The following EPHA3 variants were observed in gnomAD, a reference collection of about 807,000 sequenced individuals.
EPHA3 encodes EPH receptor A3.
EPHA3 carries 42 observed loss-of-function variants against 107.1 expected under a neutral mutation model. The ratio of observed to expected loss-of-function variants is 0.39; its 90% CI spans 0.31 to 0.51. The LOEUF (loss-of-function observed/expected upper bound fraction) is 0.51, where lower values mean the gene tolerates loss of function less well. EPHA3 is among the 20% of genes least tolerant of loss of function. The probability of loss-of-function intolerance (pLI) is 0.78; values close to 1 mark genes in which losing one functional copy is unlikely to be tolerated. For missense variants in EPHA3, 1,183 were observed against 1,211.2 expected (o/e 0.98, Z 0.35); for synonymous variants, 461 against 424.8 (o/e 1.09, Z -1.05).
intron 3 of EPHA3, among the ~76,000 whole-genome samples, chr3:89,339,101 G>C (rs556207153): frequency 7.9e-5 from 12 of 152,040 alleles, no homozygotes; most frequent in Non-Finnish European, 1.2e-4. Flanking sequence ...GGCCTGTGGC[G>C]GTGACTCACG....
chr3:89,268,652 T>G (rs1250155189), intron 3 of EPHA3, among the ~76,000 whole-genome samples: 2 of 152,024 alleles, frequency 1.3e-5, no homozygotes, highest in Admixed American at 1.3e-4. Flanking sequence ...ATTATATCTA[T>G]GACATATTTA....
intron 2 of EPHA3, among the ~76,000 whole-genome samples, chr3:89,205,741 A>T (rs1235701357): frequency 6.6e-6 from 1 of 152,102 alleles, no homozygotes; most frequent in Non-Finnish European, 1.5e-5. Context: ...TGAAAGCATT[A>T]AGAAAATGAA....
intron 2 of EPHA3, among the ~76,000 whole-genome samples, chr3:89,149,002 G>A (rs992118114): frequency 6.6e-6 from 1 of 151,958 alleles, no homozygotes; most frequent in African/African-American, 2.4e-5. Flanking sequence ...AAGCTAGAAT[G>A]CCATAATGCA....
chr3:89,240,777 C>T (rs1362794657), intron 3 of EPHA3, among the ~76,000 whole-genome samples: 1 of 151,516 alleles, frequency 6.6e-6, no homozygotes, highest in Non-Finnish European at 1.5e-5. Context: ...CAATTTGTTA[C>T]CAATAAAAAT....
chr3:89,124,455 C>T (rs1305506580), intron 1 of EPHA3, among the ~76,000 whole-genome samples: 1 of 151,992 alleles, frequency 6.6e-6, no homozygotes, highest in Non-Finnish European at 1.5e-5. Flanking sequence ...ATTTAGAATT[C>T]TTAGACGGTG....
At chr3:89,139,654 A>G (rs1467349876) in intron 2 of EPHA3, among the ~76,000 whole-genome samples, 2 of 151,794 alleles carry the variant, frequency 1.3e-5, no homozygotes, top group African/African-American at 2.4e-5. Flanking sequence ...TAGAGGTGGC[A>G]GAAGCGGCAG....
chr3:89,436,314 CA>C (rs1374302808), intron 13 of EPHA3, among the ~76,000 whole-genome samples: 2 of 152,166 alleles, frequency 1.3e-5, no homozygotes, highest in African/African-American at 4.8e-5. Flanking sequence ...TCATTCAAAA[CA>C]ATTTGCTGAG....
chr3:89,368,481 C>T (rs145131785), intron 5 of EPHA3, among the ~76,000 whole-genome samples: 2 of 150,444 alleles, frequency 1.3e-5, no homozygotes, highest in East Asian at 2.0e-4. Context: ...AAGACTGATA[C>T]AATTCAGTCT....
At position 89,307,301 on chromosome 3, in the gene EPHA3, C is replaced by A. The variant is rs369143739; in HGVS notation, c.815-33615C>A. Among the ~76,000 whole-genome samples the A allele has an allele frequency of 4.6e-5, 7 of 152,186 alleles. No individual in the cohort carries two copies. In the East Asian group the frequency reaches 9.7e-4, roughly 21 times the overall value. ...TTGGGGAAGCCTTAAGATTTTCAAG[C>A]GCAGAGTCTTGGCTAAAAGGATTGA... is the stretch of plus-strand genomic sequence containing the variant. On this transcript the variant is annotated intron_variant, in intron 3 of 16. Transcript: ENST00000336596.
intron 3 of EPHA3, among the ~76,000 whole-genome samples, chr3:89,242,766 T>TA (rs59127701): frequency 0.26 from 39,547 of 151,028 alleles, 5,356 homozygotes; most frequent in African/African-American, 0.32. Flanking sequence ...TTTATTTTTT[T>TA]ATTATACTTT....
intron 3 of EPHA3, among the ~76,000 whole-genome samples, chr3:89,249,522 A>G (rs1451900752): frequency 2.0e-5 from 3 of 152,112 alleles, no homozygotes; most frequent in Non-Finnish European, 4.4e-5. Context: ...ATGCAGTGGC[A>G]CAATCTCTGC....
chr3:89,374,511 T>G (rs1424250411), intron 5 of EPHA3, among the ~76,000 whole-genome samples: 1 of 151,914 alleles, frequency 6.6e-6, no homozygotes, highest in Non-Finnish European at 1.5e-5. Flanking sequence ...ATGAAATTGC[T>G]GTTTTATACT....
At chr3:89,329,828 T>C (rs1308718652) in intron 3 of EPHA3, among the ~76,000 whole-genome samples, 1 of 152,056 alleles carries the variant, frequency 6.6e-6, no homozygotes, top group Non-Finnish European at 1.5e-5. Context: ...TCTTCCCACC[T>C]TCACTGGGAG....
intron 2 of EPHA3, among the ~76,000 whole-genome samples, chr3:89,180,188 C>A (rs1242802460): frequency 6.6e-6 from 1 of 151,880 alleles, no homozygotes; most frequent in African/African-American, 2.4e-5. Context: ...AACAGCTCAA[C>A]ATTAATTTTT....
chr3:89,325,314 A>G (rs1468371407), intron 3 of EPHA3, among the ~76,000 whole-genome samples: 2 of 152,052 alleles, frequency 1.3e-5, no homozygotes, highest in South Asian at 2.1e-4. Flanking sequence ...ATGTCTTATG[A>G]TTTCTTATTT....
intron 3 of EPHA3, among the ~76,000 whole-genome samples, chr3:89,231,676 T>G (rs1704638509): frequency 6.6e-6 from 1 of 152,184 alleles, no homozygotes; most frequent in Non-Finnish European, 1.5e-5. Context: ...TCAGGTGATA[T>G]GAACTTTAGA....
intron 3 of EPHA3, among the ~76,000 whole-genome samples, chr3:89,231,577 T>C (rs1465747466): frequency 2.0e-5 from 3 of 152,146 alleles, no homozygotes; most frequent in Non-Finnish European, 4.4e-5. Context: ...TTTTCAAACA[T>C]CATGCAGATG....
chr3:89,203,684 G>C (rs1706030681), intron 2 of EPHA3, among the ~76,000 whole-genome samples: 1 of 152,106 alleles, frequency 6.6e-6, no homozygotes, highest in African/African-American at 2.4e-5. Context: ...GGCTGAGGCA[G>C]GAGAATGGCG....
At chr3:89,139,065 G>A (rs1383382369) in intron 2 of EPHA3, among the ~76,000 whole-genome samples, 1 of 151,686 alleles carries the variant, frequency 6.6e-6, no homozygotes, top group East Asian at 1.9e-4. Flanking sequence ...ATATTCTTTT[G>A]GGCCTAAGGT....
Sources: gnomAD v4.1 joint callset for allele counts (sites outside exome capture counted in the v4.1 genomes callset) on GRCh38, gnomAD v4.1.1 for gene constraint, MANE v1.5 for transcripts, NCBI Gene and HGNC (gene_info 2026-07-23, HGNC 2026-07-21) for gene names.